Variants in GRIA3 observed in about 807,000 individuals in gnomAD.
GRIA3 encodes glutamate receptor 3.
GRIA3 carries 3 observed loss-of-function variants against 63.0 expected under a neutral mutation model. The ratio of observed to expected loss-of-function variants is 0.05; its 90% CI spans 0.02 to 0.12. The LOEUF (loss-of-function observed/expected upper bound fraction) is 0.12, where lower values mean the gene tolerates loss of function less well. Among genes scored for constraint, GRIA3 ranks in the 10% least tolerant of loss-of-function variants. The probability of loss-of-function intolerance (pLI) is 1.00; values close to 1 mark genes in which losing one functional copy is unlikely to be tolerated. For missense variants in GRIA3, 347 were observed against 700.9 expected (o/e 0.50, Z 5.70); for synonymous variants, 274 against 257.9 (o/e 1.06, Z -0.60).
chrX:123,479,352 G>C, intron 13 of GRIA3, among the ~76,000 whole-genome samples: 1 of 111,810 alleles, frequency 8.9e-6, no homozygotes, highest in Non-Finnish European at 1.9e-5. Context: ...CCATAGACCA[G>C]TTTTTACATT....
chrX:123,250,343 T>C (rs2044382313), intron 2 of GRIA3, among the ~76,000 whole-genome samples: 1 of 111,860 alleles, frequency 8.9e-6, no homozygotes, highest in Admixed American at 9.4e-5. Flanking sequence ...GCACCCCGAG[T>C]TCAAGGTCAA....
At chrX:123,478,736 T>C (rs187120030) in intron 13 of GRIA3, among the ~76,000 whole-genome samples, 42 of 112,273 alleles carry the variant, frequency 3.7e-4, no homozygotes, top group African/African-American at 1.3e-3. Flanking sequence ...CTAAGAAATT[T>C]TTACAGCATG....
chrX:123,473,042 C>T (rs1030743735), intron 13 of GRIA3, among the ~76,000 whole-genome samples: 2 of 112,668 alleles, frequency 1.8e-5, no homozygotes, highest in African/African-American at 3.2e-5. Flanking sequence ...ATCATTGTAG[C>T]TGCCCTTGTT....
At chrX:123,454,758 G>A (rs1350775000) in intron 12 of GRIA3, among the ~76,000 whole-genome samples, 2 of 111,819 alleles carry the variant, frequency 1.8e-5, no homozygotes, top group African/African-American at 3.3e-5. Context: ...TAGAGCAATG[G>A]TACCTTAGAA....
chrX:123,395,660 T>G (rs753421729), intron 6 of GRIA3, among the ~76,000 whole-genome samples: 2 of 111,782 alleles, frequency 1.8e-5, no homozygotes, highest in African/African-American at 3.3e-5. Context: ...CCTAGATTGC[T>G]CATTTTCACA....
At position 123,360,855 on chromosome X, in the gene GRIA3, T is replaced by TCTCA. The variant is rs1400162768; in HGVS notation, c.750+5893_750+5894insTCAC. ...CCTCCTCTCTCTCTCTCTCTCTCTC[T>TCTCA]CACACACACACACACACACACACAC... On this transcript the variant is annotated intron_variant, in intron 5 of 15. Coordinates refer to ENST00000620443, the MANE Select transcript of GRIA3 (RefSeq NM_007325.5). 3.0e-3 allele frequency among the ~76,000 whole-genome samples: 141 copies of TCTCA among 46,515 alleles called. 1 individual carries two copies. Among genetic ancestry groups the TCTCA allele is most frequent in the African/African-American group, 8.7e-3 (108 of 12,361 alleles). 40.4% of individuals were successfully genotyped at this position (46,515 alleles called of 115,157 possible).
chrX:123,392,988 CA>C (rs1321335326), intron 5 of GRIA3, among the ~76,000 whole-genome samples: 1 of 112,269 alleles, frequency 8.9e-6, no homozygotes, highest in African/African-American at 3.2e-5. Context: ...GAATTTATTA[CA>C]GGGGGAATAA....
At chrX:123,321,772 C>T (rs972040725) in intron 3 of GRIA3, among the ~76,000 whole-genome samples, 2 of 112,005 alleles carry the variant, frequency 1.8e-5, no homozygotes, top group African/African-American at 6.5e-5. Flanking sequence ...TAGAGATTCA[C>T]ATGCAAGAAG....
At chrX:123,480,230 T>C in intron 14 of GRIA3, 53 bp downstream of exon 14, 4 of 807,169 alleles carry the variant, frequency 5.0e-6, no homozygotes, top group Non-Finnish European at 7.5e-6. Flanking sequence ...TTTGACCCAC[T>C]GTTTATTTTC....
rs570201736 is a variant in GRIA3 at position 123,413,532 on chromosome X, C to CA, written c.1501-3832dup. ...TCTAACTGATTCAGACTCTCTCTGCCAAAAAAAAAAAAAAAAAAAAAAAAA... is the reference window on the plus strand; with the variant it reads ...TCTAACTGATTCAGACTCTCTCTGCCAAAAAAAAAAAAAAAAAAAAAAAAAA... On this transcript the variant is annotated intron_variant, in intron 10 of 15. Transcript: ENST00000620443. Among the ~76,000 whole-genome samples, 32 of 15,881 alleles carry CA rather than the reference C, an allele frequency of 2.0e-3. 8 individuals carry two copies. The highest frequency in any genetic ancestry group is 4.2e-3 in the African/African-American group (27 of 6,417). The allele number at this position is 15,881 out of a possible 115,157, so 13.8% of individuals were successfully genotyped here.
intron 2 of GRIA3, among the ~76,000 whole-genome samples, chrX:123,220,863 G>A (rs2147265354): frequency 8.9e-6 from 1 of 111,812 alleles, no homozygotes; most frequent in East Asian, 2.8e-4. Context: ...AAATATGACT[G>A]TCTCAGAGAT....
At chrX:123,381,477 A>G (rs958560922) in intron 5 of GRIA3, among the ~76,000 whole-genome samples, 2 of 112,146 alleles carry the variant, frequency 1.8e-5, no homozygotes, top group African/African-American at 6.5e-5. Flanking sequence ...TATAAGTGTC[A>G]TAACCATAAA....
At position 123,375,016 on chromosome X, in the gene GRIA3, T is replaced by A. The variant is rs1269929070; in HGVS notation, c.751-19952T>A. 3.6e-5 allele frequency among the ~76,000 whole-genome samples: 4 copies of A among 111,632 alleles called. No homozygotes were observed. In the East Asian group the frequency reaches 1.1e-3, roughly 31 times the overall value. ...GGGCATCCTTGTCATGTTCTAAGTC[T>A]TAGAGGAAATGCTTTCCATTTTTTT... On this transcript the variant is annotated intron_variant, in intron 5 of 15. Coordinates refer to ENST00000620443, the MANE Select transcript of GRIA3 (RefSeq NM_007325.5).
intron 3 of GRIA3, among the ~76,000 whole-genome samples, chrX:123,269,719 G>T (rs979273972): frequency 2.7e-5 from 3 of 111,622 alleles, no homozygotes; most frequent in Admixed American, 9.5e-5. Flanking sequence ...GAAAGCGGAG[G>T]TTCATTTCCT....
Position 123,282,712 on chromosome X carries a change from T to C in GRIA3, c.508+29170T>C, listed in dbSNP as rs180903080. ...CTTAAGGCCAGAAGTTTTAGATCAG[T>C]CTGGCCAACATGGCGAAACCCTGTC... On this transcript the variant is annotated intron_variant, in intron 3 of 15. Coordinates refer to ENST00000620443, the MANE Select transcript of GRIA3 (RefSeq NM_007325.5). Among the ~76,000 whole-genome samples the C allele has an allele frequency of 2.8e-4, 31 of 112,437 alleles. No homozygotes were observed. In the East Asian group the frequency reaches 8.2e-3, roughly 30 times the overall value.
rs2045544103 is a variant in GRIA3 at position 123,417,795 on chromosome X, T to C, written c.1877+17T>C. On this transcript the variant is annotated intron_variant, in intron 11 of 15. Coordinates refer to ENST00000620443, the MANE Select transcript of GRIA3 (RefSeq NM_007325.5). ...TTCTCCAAGGTTTGTTTTTGTGGCATACTCAATGCCTCATTGCATTTTATG... is the reference window on the plus strand; with the variant it reads ...TTCTCCAAGGTTTGTTTTTGTGGCACACTCAATGCCTCATTGCATTTTATG... 1 of 1,167,839 alleles carries C rather than the reference T, an allele frequency of 8.6e-7. No individual in the cohort carries two copies. The highest frequency in any genetic ancestry group is 1.2e-6 in the Non-Finnish European group (1 of 863,138).
At chrX:123,412,291 C>T (rs1188023703) in intron 10 of GRIA3, among the ~76,000 whole-genome samples, 1 of 111,700 alleles carries the variant, frequency 9.0e-6, no homozygotes, top group Non-Finnish European at 1.9e-5. Context: ...AACATGATTG[C>T]CCCACATAAA....
chrX:123,393,621 T>C (rs1026881934), intron 5 of GRIA3, among the ~76,000 whole-genome samples: 2 of 112,447 alleles, frequency 1.8e-5, no homozygotes, highest in Non-Finnish European at 3.8e-5. Context: ...AGTATACTAA[T>C]GTCTCCAACT....
chrX:123,277,999 A>C (rs983881730), intron 3 of GRIA3, among the ~76,000 whole-genome samples: 4 of 112,144 alleles, frequency 3.6e-5, no homozygotes, highest in Admixed American at 1.9e-4. Context: ...GACTCATAGT[A>C]AGAAAAGTCA....
Sources: allele counts gnomAD v4.1 joint callset (sites outside exome capture counted in the v4.1 genomes callset), GRCh38; gene constraint gnomAD v4.1.1; transcripts MANE v1.5; gene names NCBI Gene and HGNC (gene_info 2026-07-23, HGNC 2026-07-21).